Variants in GIGYF2 observed in about 807,000 individuals in gnomAD.
GIGYF2 encodes the protein GRB10-interacting GYF protein 2.
GIGYF2 carries 25 observed loss-of-function variants against 208.1 expected under a neutral mutation model. The ratio of observed to expected loss-of-function variants is 0.12; its 90% CI spans 0.09 to 0.17. The LOEUF is 0.17. Among genes scored for constraint, GIGYF2 ranks in the 10% least tolerant of loss-of-function variants. The probability of loss-of-function intolerance (pLI) is 1.00; values close to 1 mark genes in which losing one functional copy is unlikely to be tolerated. For synonymous variants in GIGYF2, 534 were observed against 543.8 expected (o/e 0.98, Z 0.25); for missense variants, 1,302 against 1,579.4 (o/e 0.82, Z 2.98).
chr2:232,741,707 G>T (rs1559397074), intron 3 of GIGYF2, among the ~76,000 whole-genome samples: 1 of 152,082 alleles, frequency 6.6e-6, no homozygotes, highest in Non-Finnish European at 1.5e-5. Flanking sequence ...GCCTCCTACA[G>T]TGTTGGGATT....
chr2:232,743,639 T>G (rs1024447264), intron 3 of GIGYF2, among the ~76,000 whole-genome samples: 1 of 152,166 alleles, frequency 6.6e-6, no homozygotes, highest in African/African-American at 2.4e-5. Context: ...GGATTTTTAG[T>G]GAAGAATATT....
chr2:232,814,565 A>AAACC, intron 18 of GIGYF2, among the ~76,000 whole-genome samples: 1 of 75,966 alleles, frequency 1.3e-5, no homozygotes, highest in African/African-American at 4.7e-5. Flanking sequence ...TCCACCTCAA[A>AAACC]CCCCCCCCCC....
chr2:232,835,201 G>A (rs1701546656), intron 22 of GIGYF2, among the ~76,000 whole-genome samples: 1 of 152,142 alleles, frequency 6.6e-6, no homozygotes, highest in Non-Finnish European at 1.5e-5. Context: ...AGCATTCCAT[G>A]CCTTATATAA....
chr2:232,777,613 T>TCCCCCCC (rs3214757), intron 8 of GIGYF2, among the ~76,000 whole-genome samples: 3 of 131,620 alleles, frequency 2.3e-5, no homozygotes, highest in African/African-American at 8.7e-5. Context: ...ATCCTCTCCG[T>TCCCCCCC]CCCCCCCCCG....
At position 232,774,798 on chromosome 2, in the gene GIGYF2, C is replaced by T. The variant is rs1699442278; in HGVS notation, c.533-12352C>T. ...TCACAAAAGCTTGAGAAAGAAAAAA[C>T]TCCATGATTCTTTTGTATTTTCAAC... On this transcript the variant is annotated intron_variant, in intron 8 of 28. Coordinates refer to ENST00000373563, the MANE Select transcript of GIGYF2 (RefSeq NM_001103146.3). 2.0e-5 allele frequency among the ~76,000 whole-genome samples: 3 copies of T among 152,126 alleles called. No homozygotes were observed. In the South Asian group the frequency reaches 6.2e-4, roughly 32 times the overall value.
chr2:232,709,539 G>T lies in GIGYF2; in HGVS notation c.-44+6050G>T, dbSNP rs1397261355. On this transcript the variant is annotated intron_variant, in intron 2 of 28. Transcript: ENST00000373563. ...AAATTTTTTCATAGAGGCCGGGCGC[G>T]GTGGCTCTTGCCTGTAATCCCCACA... Among the ~76,000 whole-genome samples the T allele has an allele frequency of 1.2e-4, 19 of 152,090 alleles. 1 individual carries two copies. The highest frequency in any genetic ancestry group is 4.4e-5 in the Non-Finnish European group (3 of 68,024).
At chr2:232,731,450 T>C (rs528255214) in intron 2 of GIGYF2, among the ~76,000 whole-genome samples, 35 of 152,324 alleles carry the variant, frequency 2.3e-4, no homozygotes, top group Admixed American at 1.5e-3. Flanking sequence ...TTTAAAACAT[T>C]TGGCTAGATG....
intron 3 of GIGYF2, among the ~76,000 whole-genome samples, chr2:232,745,808 A>G (rs1208448892): frequency 6.6e-6 from 1 of 152,228 alleles, no homozygotes. Flanking sequence ...TCTTGATGGA[A>G]TAACATACCA....
At chr2:232,789,929 G>T (rs1700021978) in intron 9 of GIGYF2, among the ~76,000 whole-genome samples, 1 of 151,954 alleles carries the variant, frequency 6.6e-6, no homozygotes, top group African/African-American at 2.4e-5. Flanking sequence ...GTCCGTAGGG[G>T]TATTATATGG....
At chr2:232,710,648 C>G (rs1696348233) in intron 2 of GIGYF2, among the ~76,000 whole-genome samples, 2 of 150,606 alleles carry the variant, frequency 1.3e-5, no homozygotes, top group East Asian at 1.9e-4. Flanking sequence ...TTTGAAAACA[C>G]TAGATACTTT....
intron 14 of GIGYF2, among the ~76,000 whole-genome samples, chr2:232,797,981 C>CAAAAAA (rs57991158): frequency 6.8e-5 from 7 of 102,392 alleles, no homozygotes; most frequent in African/African-American, 2.2e-4. Context: ...ACTGTGCCTC[C>CAAAAAA]AAAAAAAAAA....
intron 2 of GIGYF2, among the ~76,000 whole-genome samples, chr2:232,725,893 C>T (rs1327298953): frequency 2.0e-5 from 3 of 152,110 alleles, no homozygotes; most frequent in Non-Finnish European, 4.4e-5. Context: ...AGAAAATCTA[C>T]CCTTATTTAT....
At chr2:232,716,160 C>G (rs1485914508) in intron 2 of GIGYF2, among the ~76,000 whole-genome samples, 1 of 151,936 alleles carries the variant, frequency 6.6e-6, no homozygotes, top group African/African-American at 2.4e-5. Flanking sequence ...TGCTTCCAGT[C>G]TTTTACTATT....
chr2:232,768,552 A>G lies in GIGYF2; in HGVS notation c.532+7116A>G, dbSNP rs143607153. The G allele has an allele frequency of 6.2e-7, 1 of 1,614,178 alleles. No individual in the cohort carries two copies. On this transcript the variant is annotated intron_variant, in intron 8 of 28. Coordinates refer to ENST00000373563, the MANE Select transcript of GIGYF2 (RefSeq NM_001103146.3). The stretch of plus-strand genomic sequence containing the variant: ...TGGTGTAATGGAGTGATAGTACGTT[A>G]GTGGAAAGATGAAGAATGGACATTC...
chr2:232,721,369 C>A (rs1426242623), intron 2 of GIGYF2, among the ~76,000 whole-genome samples: 1 of 152,150 alleles, frequency 6.6e-6, no homozygotes, highest in Non-Finnish European at 1.5e-5. Flanking sequence ...TTGTGTTAAA[C>A]CTCTCCCTCG....
At position 232,850,335 on chromosome 2, in the gene GIGYF2, C is replaced by T. The variant is rs771987027; in HGVS notation, c.3758C>T (p.Ser1253Phe). 1 of 1,613,792 alleles carries T rather than the reference C, an allele frequency of 6.2e-7. No individual in the cohort carries two copies. The highest frequency in any genetic ancestry group is 1.1e-5 in the South Asian group (1 of 91,078). The part of the protein sequence containing the change: ...FQTNQSNNQQ[S>F]NFEAVQSGKK... ...ACCAATCAAAGCAACAACCAACAAT[C>T]CAATTTTGAGGCTGTGCAGAGTGGC... The change falls in exon 28 of 29, where the codon TCC (serine) becomes TTC (phenylalanine). Residue 1253 changes from serine to phenylalanine, a missense_variant. Physicochemically the swap from Ser to Phe is radical, Grantham distance 155. Transcript: ENST00000373563.
intron 2 of GIGYF2, among the ~76,000 whole-genome samples, chr2:232,706,528 A>G (rs1281932247): frequency 6.6e-6 from 1 of 152,186 alleles, no homozygotes; most frequent in Non-Finnish European, 1.5e-5. Flanking sequence ...CTGTAATCCC[A>G]TCCATTTGGG....
At chr2:232,833,576 G>T (rs1282824366) in intron 22 of GIGYF2, among the ~76,000 whole-genome samples, 1 of 152,192 alleles carries the variant, frequency 6.6e-6, no homozygotes, top group Non-Finnish European at 1.5e-5. Flanking sequence ...TAAACAAGAG[G>T]ATAGGACATG....
At chr2:232,751,024 G>A (rs997562738) in intron 5 of GIGYF2, among the ~76,000 whole-genome samples, 1 of 151,900 alleles carries the variant, frequency 6.6e-6, no homozygotes, top group Non-Finnish European at 1.5e-5. Context: ...ACAGGATCTC[G>A]CTCTGTTATC....
Sources: gnomAD v4.1 joint callset for allele counts (sites outside exome capture counted in the v4.1 genomes callset) on GRCh38, gnomAD v4.1.1 for gene constraint, MANE v1.5 for transcripts, NCBI Gene and HGNC (gene_info 2026-07-23, HGNC 2026-07-21) for gene names.